Variants in SPHKAP observed in about 807,000 individuals in gnomAD.
SPHKAP encodes the protein SPHK1 interactor, AKAP domain containing, also known as A-kinase anchor protein SPHKAP.
A neutral mutation model predicts 137.5 loss-of-function variants in SPHKAP; 67 were observed. The ratio of observed to expected loss-of-function variants is 0.49; its 90% confidence interval spans 0.40 to 0.60. The LOEUF is 0.60. SPHKAP is among the 20% of genes least tolerant of loss of function. The pLI, the probability that SPHKAP is intolerant of heterozygous loss-of-function variation, is 0.00. For synonymous variants in SPHKAP, 813 were observed against 785.3 expected (o/e 1.04, Z -0.59); for missense variants, 2,097 against 2,069.3 (o/e 1.01, Z -0.26).
At chr2:228,035,274 A>G (rs1393423747) in intron 3 of SPHKAP, among the ~76,000 whole-genome samples, 1 of 150,544 alleles carries the variant, frequency 6.6e-6, no homozygotes, top group South Asian at 2.1e-4. Context: ...GTGAACTCCC[A>G]TTCACAACTG....
Position 228,027,546 on chromosome 2 carries a change from G to A in SPHKAP, c.247-3C>T. 6.2e-7 allele frequency: 1 copy of A among 1,613,664 alleles called. No individual in the cohort carries two copies. Among genetic ancestry groups the A allele is most frequent in the Non-Finnish European group, 8.5e-7 (1 of 1,179,850 alleles). Reference sequence around the variant, plus strand: ...ACATCAAGATTCACAAAGCAGACCTGGGAAAAGAGGGCAAAAATAGTACGT... The same window carrying A: ...ACATCAAGATTCACAAAGCAGACCTAGGAAAAGAGGGCAAAAATAGTACGT... On this transcript the variant is annotated splice_region_variant and splice_polypyrimidine_tract_variant and intron_variant, in intron 3 of 11. Transcript: ENST00000392056.
At position 228,000,629 on chromosome 2, in the gene SPHKAP, T is replaced by A. The variant is rs534991016; in HGVS notation, c.4449-4935A>T. Among the ~76,000 whole-genome samples, 28 of 150,218 alleles carry A rather than the reference T, an allele frequency of 1.9e-4. No homozygotes were observed. In the South Asian group the frequency reaches 2.9e-3, roughly 16 times the overall value. On this transcript the variant is annotated intron_variant, in intron 7 of 11. Transcript: ENST00000392056. ...AGACTCCATCTAAAAAAAATAATAA[T>A]AATAAAAATAAAATAAAATAAAATA...
At chr2:228,013,895 G>A (rs1574745768) in intron 7 of SPHKAP, among the ~76,000 whole-genome samples, 1 of 152,064 alleles carries the variant, frequency 6.6e-6, no homozygotes, top group East Asian at 1.9e-4. Flanking sequence ...GAATTTCTAG[G>A]GTGGATGACT....
chr2:228,037,118 G>A (rs1215299703), intron 3 of SPHKAP, among the ~76,000 whole-genome samples: 2 of 152,040 alleles, frequency 1.3e-5, no homozygotes, highest in Admixed American at 6.6e-5. Context: ...TCATATATGA[G>A]TTGTTATAGG....
intron 3 of SPHKAP, among the ~76,000 whole-genome samples, chr2:228,080,004 T>C (rs1169077456): frequency 6.6e-6 from 1 of 151,888 alleles, no homozygotes; most frequent in Admixed American, 6.6e-5. Context: ...ATGATTAAAA[T>C]GTAAGACCTA....
Position 228,181,600 on chromosome 2 carries a change from G to T in SPHKAP, c.-2C>A, listed in dbSNP as rs1279111709. ...CGAGAGCAGGGAGTTGCCATCCATT[G>T]TTGGTGGGCGCCCAGAGAAGAAAGA... On this transcript the variant is annotated 5_prime_UTR_variant, in exon 1 of 12. Coordinates refer to ENST00000392056, the MANE Select transcript of SPHKAP (RefSeq NM_001142644.2). The surrounding 1 kb of genome is among the most constrained non-coding windows in gnomAD (Gnocchi z 4.3). 6 of 1,614,074 alleles carry T rather than the reference G, an allele frequency of 3.7e-6. No homozygotes were observed. In the African/African-American group the frequency reaches 4.0e-5, roughly 11 times the overall value.
At chr2:227,997,590 C>T (rs1409295227) in intron 7 of SPHKAP, among the ~76,000 whole-genome samples, 2 of 152,098 alleles carry the variant, frequency 1.3e-5, no homozygotes, top group East Asian at 1.9e-4. Context: ...TTAAGAATCA[C>T]GTCTAATAAC....
intron 9 of SPHKAP, 23 bp downstream of exon 9, chr2:227,993,511 A>G: frequency 6.3e-7 from 1 of 1,579,214 alleles, no homozygotes; most frequent in African/African-American, 1.3e-5. Flanking sequence ...TCTCACAATC[A>G]CTGCATCTCA....
At chr2:228,154,732 T>G (rs1441156548) in intron 1 of SPHKAP, among the ~76,000 whole-genome samples, 3 of 124,994 alleles carry the variant, frequency 2.4e-5, no homozygotes, top group South Asian at 2.6e-4. Context: ...TTTTTTTTTT[T>G]GTATTTTCAT....
intron 3 of SPHKAP, among the ~76,000 whole-genome samples, chr2:228,081,649 C>T (rs1303568024): frequency 6.6e-6 from 1 of 152,138 alleles, no homozygotes; most frequent in Non-Finnish European, 1.5e-5. Flanking sequence ...CTTGGGGCAA[C>T]ATGGATGAAC....
chr2:228,047,261 T>A (rs1217636833), intron 3 of SPHKAP, among the ~76,000 whole-genome samples: 1 of 151,778 alleles, frequency 6.6e-6, no homozygotes, highest in Non-Finnish European at 1.5e-5. Context: ...AGGTCAGGAG[T>A]TCGAGATCAG....
In SPHKAP at chr2:228,018,103, T is replaced by G. The variant is rs1694681136; in HGVS notation, c.2751A>C (p.Gln917His). ...DLLLPAQSTLQTKHPDIYCIT... is the reference protein window; with the variant it reads ...DLLLPAQSTLHTKHPDIYCIT... The stretch of plus-strand genomic sequence containing the variant: ...TGCAGTAGATGTCTGGATGCTTTGT[T>G]TGAAGCGTGGATTGAGCAGGAAGCA... The change falls in exon 7 of 12, where the codon CAA (glutamine) becomes CAC (histidine). Residue 917 changes from glutamine (Q) to histidine (H), a missense_variant. By Grantham distance (24) the Gln-to-His change is conservative. Coordinates refer to ENST00000392056, the MANE Select transcript of SPHKAP (RefSeq NM_001142644.2). The G allele has an allele frequency of 1.2e-6, 2 of 1,614,072 alleles. No homozygotes were observed. The highest frequency in any genetic ancestry group is 1.3e-5 in the African/African-American group (1 of 74,940).
At chr2:228,105,535 C>T (rs1165494754) in intron 3 of SPHKAP, among the ~76,000 whole-genome samples, 1 of 152,132 alleles carries the variant, frequency 6.6e-6, no homozygotes, top group Non-Finnish European at 1.5e-5. Flanking sequence ...ATTAGAAACA[C>T]ATAAGCACAG....
intron 1 of SPHKAP, chr2:228,173,145 A>G (rs1700636565): frequency 1.3e-6 from 1 of 741,278 alleles, no homozygotes; most frequent in African/African-American, 1.9e-5. Flanking sequence ...GCAGAGGAGG[A>G]ACAAATAGCC....
At chr2:228,042,222 T>C (rs775571489) in intron 3 of SPHKAP, among the ~76,000 whole-genome samples, 2 of 152,190 alleles carry the variant, frequency 1.3e-5, no homozygotes, top group Non-Finnish European at 2.9e-5. Context: ...CCTGCCTGCA[T>C]GGCACATCAG....
At chr2:228,163,010 T>C (rs867064882) in intron 1 of SPHKAP, among the ~76,000 whole-genome samples, 3 of 152,218 alleles carry the variant, frequency 2.0e-5, no homozygotes, top group Non-Finnish European at 4.4e-5. Context: ...AAAGCCCTTC[T>C]TAAAGCCAGT....
chr2:228,122,778 G>A (rs778126747), intron 2 of SPHKAP, among the ~76,000 whole-genome samples: 1 of 152,154 alleles, frequency 6.6e-6, no homozygotes. Flanking sequence ...ATGTTGATGT[G>A]GCTCAGGGCA....
chr2:228,135,608 T>C (rs969914049), intron 1 of SPHKAP, among the ~76,000 whole-genome samples: 3 of 152,216 alleles, frequency 2.0e-5, no homozygotes, highest in East Asian at 1.9e-4. Flanking sequence ...ACAATCCTAG[T>C]TGAAAACGAA....
At chr2:228,166,138 G>A (rs1458801375) in intron 1 of SPHKAP, among the ~76,000 whole-genome samples, 1 of 152,148 alleles carries the variant, frequency 6.6e-6, no homozygotes, top group Admixed American at 6.6e-5. Context: ...GAATTAAAGG[G>A]AGTACTGGCA....
Sources: allele counts gnomAD v4.1 joint callset (sites outside exome capture counted in the v4.1 genomes callset), GRCh38; gene constraint gnomAD v4.1.1; non-coding constraint Gnocchi (gnomAD v3.1); transcripts MANE v1.5; gene names NCBI Gene and HGNC (gene_info 2026-07-23, HGNC 2026-07-21).